Variants in OXNAD1 observed in about 807,000 individuals in gnomAD.
OXNAD1 encodes oxidoreductase NAD binding domain containing 1.
Under a neutral mutation model 32.9 loss-of-function variants are expected in OXNAD1, and 34 were observed. The observed-to-expected ratio is 1.03, with a 90% CI of 0.79 to 1.38. OXNAD1 has a LOEUF of 1.38. Ranked by LOEUF, OXNAD1 falls within the 40% of genes most tolerant of loss-of-function variation. The pLI, the probability that OXNAD1 is intolerant of heterozygous loss-of-function variation, is 0.00. For synonymous variants in OXNAD1, 134 were observed against 135.2 expected (o/e 0.99, Z 0.06); for missense variants, 407 against 379.4 (o/e 1.07, Z -0.60).
At chr3:16,338,047 C>T (rs1181724183), downstream of OXNAD1, among the ~76,000 whole-genome samples, 1 of 152,232 alleles carries the variant, frequency 6.6e-6, no homozygotes, top group Non-Finnish European at 1.5e-5. This position sits in a 1 kb window ranked among gnomAD's most constrained non-coding sequence, Gnocchi z 5.3. Context: ...CCTAAAGCAC[C>T]ATGCCAAGCT....
rs1035977143 is a variant in OXNAD1 at position 16,305,828 on chromosome 3, G to A, written c.*2266G>A. On this transcript the variant is annotated 3_prime_UTR_variant, in exon 9 of 9. Coordinates refer to ENST00000285083, the MANE Select transcript of OXNAD1 (RefSeq NM_138381.5). The surrounding 1 kb of genome is among the most constrained non-coding windows in gnomAD (Gnocchi z 4.5). ...CCTACCTACATGATAGGGCTGTTAC[G>A]GGGATTGAAGGTGATCATACATGTA... is the stretch of plus-strand genomic sequence containing the variant. 5 of 152,208 alleles carry A rather than the reference G, an allele frequency of 3.3e-5. No homozygotes were observed. Among genetic ancestry groups the A allele is most frequent in the African/African-American group, 1.2e-4 (5 of 41,440 alleles). The allele number at this position is 152,208 out of a possible 1,614,324, so 9.4% of individuals were successfully genotyped here. A position where few individuals can be genotyped will look rare whatever the true frequency, so the allele number is the denominator to read the frequency against.
At chr3:16,293,799 AG>A (rs1172604152) in intron 5 of OXNAD1, among the ~76,000 whole-genome samples, 2 of 152,244 alleles carry the variant, frequency 1.3e-5, no homozygotes, top group African/African-American at 4.8e-5. Context: ...GGTCTTTTGT[AG>A]GTGCCCTTTA....
At position 16,344,145 on chromosome 3, in the gene OXNAD1, T is replaced by A. The variant is rs2071487196; in HGVS notation, c.*31-5031T>A. Among the ~76,000 whole-genome samples the A allele has an allele frequency of 6.6e-6, 1 of 152,188 alleles. No homozygotes were observed. Among genetic ancestry groups the A allele is most frequent in the Non-Finnish European group, 1.5e-5 (1 of 68,040 alleles). ...TGCTGTCAAATCAGGTATGCTTCATTCTATATTATTGACTTTTTGGAGCTT... is the reference window on the plus strand; with the variant it reads ...TGCTGTCAAATCAGGTATGCTTCATACTATATTATTGACTTTTTGGAGCTT... On this transcript the variant is annotated intron_variant, in intron 9 of 9. Transcript: ENST00000606098. This position sits in a 1 kb window ranked among gnomAD's most constrained non-coding sequence, Gnocchi z 4.4.
chr3:16,301,338 C>T lies in OXNAD1; in HGVS notation c.433-288C>T, dbSNP rs1190041465. ...GAGTCCATTGCCTCTTTCCTCAATC[C>T]AGTTCATCGCCTAAGAAGTTAACAA... On this transcript the variant is annotated intron_variant, in intron 6 of 8. Coordinates refer to ENST00000285083, the MANE Select transcript of OXNAD1 (RefSeq NM_138381.5). This position sits in a 1 kb window ranked among gnomAD's most constrained non-coding sequence, Gnocchi z 4.1. 6.6e-6 allele frequency among the ~76,000 whole-genome samples: 1 copy of T among 152,206 alleles called. No individual in the cohort carries two copies. The highest frequency in any genetic ancestry group is 1.5e-5 in the Non-Finnish European group (1 of 68,036).
chr3:16,279,019 A>C (rs1394456218), intron 4 of OXNAD1, among the ~76,000 whole-genome samples: 2 of 152,226 alleles, frequency 1.3e-5, no homozygotes, highest in African/African-American at 4.8e-5. Context: ...AATTTGAGGT[A>C]GGGGGCATCT....
At position 16,345,268 on chromosome 3, in the gene OXNAD1, G is replaced by GGT. The variant is rs746353423; in HGVS notation, c.*31-3908_*31-3907insGT. 4.9e-5 allele frequency: 3 copies of GGT among 61,044 alleles called. No individual in the cohort carries two copies. Among genetic ancestry groups the GGT allele is most frequent in the Non-Finnish European group, 9.9e-5 (2 of 20,274 alleles). 3.8% of individuals were successfully genotyped at this position (61,044 alleles called of 1,614,324 possible). On this transcript the variant is annotated intron_variant, in intron 9 of 9. Transcript: ENST00000606098. This position sits in a 1 kb window ranked among gnomAD's most constrained non-coding sequence, Gnocchi z 5.2. The stretch of plus-strand genomic sequence containing the variant: ...TGTAAGATAATAAGTAGGTGGTTGT[G>GGT]TGTGTGTGTGTGTGTGTGTGTGTGT...
chr3:16,286,532 G>T, intron 5 of OXNAD1, 84 bp downstream of exon 5: 1 of 1,115,992 alleles, frequency 9.0e-7, no homozygotes. Context: ...CCTGGAAAAG[G>T]CTAGCCATTC....
At position 16,327,944 on chromosome 3, in the gene OXNAD1, C is replaced by G. The variant is rs1295661163; in HGVS notation, c.*31-9168C>G. ...GCCCCCACCCCTGCTCTGTGTGTAA[C>G]TGGACTCCTCATCCCTCATAGTTTG... On this transcript the variant is annotated intron_variant, in intron 9 of 9. Coordinates refer to the OXNAD1 transcript ENST00000435829. The surrounding 1 kb of genome is among the most constrained non-coding windows in gnomAD (Gnocchi z 4.2). 1.3e-5 allele frequency among the ~76,000 whole-genome samples: 2 copies of G among 152,248 alleles called. No homozygotes were observed. The highest frequency in any genetic ancestry group is 4.1e-4 in the South Asian group (2 of 4,834).
In OXNAD1 at chr3:16,342,905, T is replaced by G. The variant is rs946251300; in HGVS notation, c.*31-6271T>G. On this transcript the variant is annotated intron_variant, in intron 9 of 9. Coordinates refer to the OXNAD1 transcript ENST00000606098. The surrounding 1 kb of genome is among the most constrained non-coding windows in gnomAD (Gnocchi z 4.0). Reference sequence around the variant, plus strand: ...AAGACCCACTGACTTTGAGTCTCGATCTCAGCTCACTGCAGCCTCAACCTC... The same window carrying G: ...AAGACCCACTGACTTTGAGTCTCGAGCTCAGCTCACTGCAGCCTCAACCTC... Among the ~76,000 whole-genome samples, 22 of 152,192 alleles carry G rather than the reference T, an allele frequency of 1.4e-4. No individual in the cohort carries two copies. Among genetic ancestry groups the G allele is most frequent in the Admixed American group, 5.9e-4 (9 of 15,282 alleles).
chr3:16,342,606 T>C lies in OXNAD1; in HGVS notation c.*31-6570T>C, dbSNP rs895033519. 6.6e-6 allele frequency among the ~76,000 whole-genome samples: 1 copy of C among 152,196 alleles called. No individual in the cohort carries two copies. The highest frequency in any genetic ancestry group is 2.1e-4 in the South Asian group (1 of 4,832). On this transcript the variant is annotated intron_variant, in intron 9 of 9. Transcript: ENST00000606098. This position sits in a 1 kb window ranked among gnomAD's most constrained non-coding sequence, Gnocchi z 4.0. ...AACATTTTGGGAAAGTGTCCATGGA[T>C]CACTTTTATAAAAATAAAAAAAGTT...
At chr3:16,310,846 C>G (rs956563248), downstream of OXNAD1, among the ~76,000 whole-genome samples, 1 of 151,838 alleles carries the variant, frequency 6.6e-6, no homozygotes, top group African/African-American at 2.4e-5. Flanking sequence ...AAAAATTAGC[C>G]GGGCGTGGTG....
intron 9 of OXNAD1, among the ~76,000 whole-genome samples, chr3:16,332,559 G>T (rs566458555): frequency 6.6e-6 from 1 of 151,932 alleles, no homozygotes. Context: ...ATCTTACCAC[G>T]CCACGTTAGG....
intron 9 of OXNAD1, among the ~76,000 whole-genome samples, chr3:16,330,039 G>A (rs1355389820): frequency 6.6e-6 from 1 of 152,192 alleles, no homozygotes; most frequent in Non-Finnish European, 1.5e-5. Flanking sequence ...GAAAAAATCA[G>A]CAGGATTTCT....
chr3:16,294,783 T>G, intron 5 of OXNAD1, 73 bp from the exon 6 acceptor site: 1 of 1,439,584 alleles, frequency 6.9e-7, no homozygotes, highest in Non-Finnish European at 9.5e-7. Context: ...TTGCAAAGGT[T>G]TGTCAATTCT....
At position 16,329,871 on chromosome 3, in the gene OXNAD1, A is replaced by G. The variant is rs2070130449; in HGVS notation, c.*31-7241A>G. Among the ~76,000 whole-genome samples the G allele has an allele frequency of 6.6e-6, 1 of 152,054 alleles. No homozygotes were observed. The highest frequency in any genetic ancestry group is 2.4e-5 in the African/African-American group (1 of 41,392). On this transcript the variant is annotated intron_variant, in intron 9 of 9. Transcript: ENST00000435829. This position sits in a 1 kb window ranked among gnomAD's most constrained non-coding sequence, Gnocchi z 4.5. ...CTGAGTGGCAGAATGGAGTCCTTTT[A>G]TTGGTGGCTGCATCTCGGGCCAGGT...
chr3:16,270,817 T>C (rs901981940), intron 2 of OXNAD1, 128 bp from the exon 3 acceptor site: 1 of 1,360,668 alleles, frequency 7.3e-7, no homozygotes, highest in Admixed American at 2.5e-5. Flanking sequence ...TTGGCTGCTT[T>C]GGTGGTAACT....
At chr3:16,350,086 T>C (rs957770401) in exon 10 of OXNAD1, 3 of 151,858 alleles carry the variant, frequency 2.0e-5, no homozygotes, top group South Asian at 4.1e-4. Context: ...TTTGATCAAG[T>C]AAGTGAGTAC....
At chr3:16,293,283 A>G (rs180791680) in intron 5 of OXNAD1, among the ~76,000 whole-genome samples, 11 of 152,154 alleles carry the variant, frequency 7.2e-5, no homozygotes, top group African/African-American at 2.6e-4. Flanking sequence ...TTTTTATGCT[A>G]TTATAAGTGT....
At chr3:16,338,659 G>T (rs534568260), downstream of OXNAD1, among the ~76,000 whole-genome samples, 5 of 152,348 alleles carry the variant, frequency 3.3e-5, no homozygotes, top group South Asian at 1.0e-3. This position sits in a 1 kb window ranked among gnomAD's most constrained non-coding sequence, Gnocchi z 5.3. Context: ...GGCTTTCTGG[G>T]AGTAAATGGG....
Sources: gnomAD v4.1 joint callset for allele counts (sites outside exome capture counted in the v4.1 genomes callset) on GRCh38, gnomAD v4.1.1 for gene constraint, Gnocchi (gnomAD v3.1) non-coding constraint, MANE v1.5 for transcripts, NCBI Gene and HGNC (gene_info 2026-07-23, HGNC 2026-07-21) for gene names.